Variants in MAGI2 observed in about 807,000 individuals in gnomAD.
The protein encoded by MAGI2 is membrane associated guanylate kinase, WW and PDZ domain containing 2, also known as membrane-associated guanylate kinase, WW and PDZ domain-containing protein 2.
In MAGI2, 35 loss-of-function variants were observed where a neutral mutation model predicts 133.3. The ratio of observed to expected loss-of-function variants is 0.26; its 90% CI spans 0.20 to 0.35. The LOEUF is 0.35. Among genes scored for constraint, MAGI2 ranks in the 10% least tolerant of loss-of-function variants. The pLI is 1.00. For missense variants in MAGI2, 1,636 were observed against 1,863.4 expected, an observed-to-expected ratio of 0.88 and a Z score of 2.25; for synonymous variants, 729 against 710.6, an observed-to-expected ratio of 1.03 and a Z score of -0.41.
At chr7:79,313,780 A>C (rs1252033736) in intron 1 of MAGI2, among the ~76,000 whole-genome samples, 2 of 149,352 alleles carry the variant, frequency 1.3e-5, no homozygotes, top group Non-Finnish European at 3.0e-5. Context: ...ATTTAGATAC[A>C]TTATTTACAT....
intron 1 of MAGI2, among the ~76,000 whole-genome samples, chr7:79,351,157 G>A (rs932295279): frequency 2.6e-5 from 4 of 152,026 alleles, no homozygotes; most frequent in African/African-American, 7.2e-5. Context: ...CTGTTAGAAT[G>A]CATGCTTAAC....
intron 1 of MAGI2, among the ~76,000 whole-genome samples, chr7:79,244,106 T>C (rs1216105875): frequency 6.6e-6 from 1 of 152,222 alleles, no homozygotes; most frequent in Non-Finnish European, 1.5e-5. Flanking sequence ...AATCATGCCA[T>C]TGGCTCTCCA....
At chr7:78,883,654 T>A (rs995008998) in intron 2 of MAGI2, among the ~76,000 whole-genome samples, 9 of 152,038 alleles carry the variant, frequency 5.9e-5, no homozygotes. Flanking sequence ...AACAGAATGG[T>A]ATTGATAAAA....
intron 3 of MAGI2, among the ~76,000 whole-genome samples, chr7:78,561,946 T>G (rs1428349114): frequency 1.3e-5 from 2 of 152,116 alleles, no homozygotes; most frequent in African/African-American, 4.8e-5. Flanking sequence ...AGGCCTGCTG[T>G]CTCAAATACC....
chr7:78,365,729 T>C (rs909172678), intron 7 of MAGI2, among the ~76,000 whole-genome samples: 4 of 152,220 alleles, frequency 2.6e-5, no homozygotes, highest in African/African-American at 7.2e-5. Context: ...TTGCAGGGGA[T>C]AGAACAGTGG....
intron 3 of MAGI2, among the ~76,000 whole-genome samples, chr7:78,590,515 A>C (rs1461108037): frequency 6.6e-6 from 1 of 152,210 alleles, no homozygotes; most frequent in Non-Finnish European, 1.5e-5. Flanking sequence ...CTGTGAATAA[A>C]CTAAAATATA....
At chr7:78,101,170 A>G (rs1818180122) in intron 20 of MAGI2, among the ~76,000 whole-genome samples, 1 of 152,232 alleles carries the variant, frequency 6.6e-6, no homozygotes, top group African/African-American at 2.4e-5. Flanking sequence ...ACAAAATTCC[A>G]ATGGCATTTT....
At chr7:78,891,495 C>A (rs1584300163) in intron 2 of MAGI2, among the ~76,000 whole-genome samples, 1 of 152,140 alleles carries the variant, frequency 6.6e-6, no homozygotes, top group Admixed American at 6.6e-5. Flanking sequence ...TACTGGCAAA[C>A]CAAATCCAGC....
At chr7:78,336,917 G>A (rs1164849816) in intron 9 of MAGI2, among the ~76,000 whole-genome samples, 1 of 152,096 alleles carries the variant, frequency 6.6e-6, no homozygotes, top group African/African-American at 2.4e-5. Flanking sequence ...AAATGAACGG[G>A]TTATGAGTTA....
At chr7:79,349,656 A>G (rs2129108026) in intron 1 of MAGI2, among the ~76,000 whole-genome samples, 1 of 152,132 alleles carries the variant, frequency 6.6e-6, no homozygotes, top group East Asian at 1.9e-4. Context: ...GAAGCATGGA[A>G]TAATCTGCTT....
At chr7:78,484,738 G>A (rs1792796662) in intron 6 of MAGI2, 1 of 151,940 alleles carries the variant, frequency 6.6e-6, no homozygotes, top group African/African-American at 2.4e-5. Context: ...AGTTTTACCT[G>A]AAGGAAAGAA....
At chr7:78,759,969 G>A (rs1356142508) in intron 2 of MAGI2, among the ~76,000 whole-genome samples, 1 of 152,096 alleles carries the variant, frequency 6.6e-6, no homozygotes. Flanking sequence ...ACAAAAATTA[G>A]CCGAGCGTGG....
chr7:79,085,909 C>A (rs1584893270), intron 1 of MAGI2, among the ~76,000 whole-genome samples: 1 of 151,962 alleles, frequency 6.6e-6, no homozygotes, highest in East Asian at 1.9e-4. Flanking sequence ...ACTGCCTTAG[C>A]CTTCATGTGC....
intron 1 of MAGI2, among the ~76,000 whole-genome samples, chr7:79,260,349 C>A (rs549684838): frequency 6.6e-6 from 1 of 151,116 alleles, no homozygotes; most frequent in Admixed American, 6.6e-5. Flanking sequence ...CAGTGAGACC[C>A]CCATCTCTAA....
intron 1 of MAGI2, among the ~76,000 whole-genome samples, chr7:79,323,266 G>A (rs1839336925): frequency 6.6e-6 from 1 of 152,124 alleles, no homozygotes; most frequent in African/African-American, 2.4e-5. Flanking sequence ...TGAACTTACA[G>A]TCAAATGGAA....
intron 3 of MAGI2, among the ~76,000 whole-genome samples, chr7:78,584,623 A>T (rs760054954): frequency 1.3e-5 from 2 of 152,102 alleles, no homozygotes; most frequent in African/African-American, 2.4e-5. Flanking sequence ...GACCTAATGC[A>T]GTTGTAATTC....
intron 3 of MAGI2, among the ~76,000 whole-genome samples, chr7:78,593,493 G>T (rs1319386676): frequency 6.6e-6 from 1 of 152,222 alleles, no homozygotes; most frequent in African/African-American, 2.4e-5. Flanking sequence ...TGGACCAGAG[G>T]AAGATGAGAC....
intron 3 of MAGI2, among the ~76,000 whole-genome samples, chr7:78,573,247 AAT>A (rs1218502563): frequency 2.2e-5 from 1 of 44,836 alleles, no homozygotes; most frequent in East Asian, 8.1e-4. Context: ...TATATATATA[AAT>A]ATATATAAAT....
At chr7:78,706,837 A>C (rs1818699277) in intron 2 of MAGI2, among the ~76,000 whole-genome samples, 2 of 152,036 alleles carry the variant, frequency 1.3e-5, no homozygotes, top group Non-Finnish European at 2.9e-5. Flanking sequence ...AGGGTAGGGC[A>C]TTAGAAATGG....
Sources: gnomAD v4.1 joint callset for allele counts (sites outside exome capture counted in the v4.1 genomes callset) on GRCh38, gnomAD v4.1.1 for gene constraint, MANE v1.5 for transcripts, NCBI Gene and HGNC (gene_info 2026-07-23, HGNC 2026-07-21) for gene names.